The following ASXL1 variants were observed in gnomAD, a reference collection of about 807,000 sequenced individuals.
ASXL1 encodes the protein polycomb group protein ASXL1.
ASXL1 carries 65 observed loss-of-function variants against 89.1 expected under a neutral mutation model. That is an observed-to-expected ratio of 0.73 (90% confidence interval 0.60 to 0.90). The LOEUF (loss-of-function observed/expected upper bound fraction) is 0.90. ASXL1 is among the 40% of genes least tolerant of loss of function. The pLI is 0.00. For missense variants in ASXL1, 1,786 were observed against 1,942.9 expected (o/e 0.92, Z 1.52); for synonymous variants, 739 against 746.9 (o/e 0.99, Z 0.17).
rs1569341566 is a variant in ASXL1 at position 32,437,374 on chromosome 20, G to C, written c.*36G>C. ...CCATGGGAAACATTGTATATTTAGTGTGTGTATTTTGATAATGATTGATCT... is the reference window on the plus strand; with the variant it reads ...CCATGGGAAACATTGTATATTTAGTCTGTGTATTTTGATAATGATTGATCT... On this transcript the variant is annotated 3_prime_UTR_variant, in exon 13 of 13. Transcript: ENST00000375687. 1.2e-6 allele frequency: 2 copies of C among 1,600,928 alleles called. No homozygotes were observed. The highest frequency in any genetic ancestry group is 2.2e-5 in the South Asian group (2 of 90,612).
In ASXL1 at chr20:32,436,369, C is replaced by T. The variant is rs1260525305; in HGVS notation, c.3657C>T (p.Pro1219=). ...SFDSLHPVTN[P]ITSSRKLEEM... ...ACTCCCTCCATCCAGTGACAAATCC[C>T]ATTACATCCTCTAGGAAACTGGAAG... The change falls in exon 13 of 13, where the codon CCC becomes CCT. Residue 1219 remains proline (P), a synonymous_variant. Transcript: ENST00000375687. 12 of 1,613,628 alleles carry T rather than the reference C, an allele frequency of 7.4e-6. No individual in the cohort carries two copies. The highest frequency in any genetic ancestry group is 1.3e-5 in the African/African-American group (1 of 74,936).
chr20:32,411,297 G>T (rs1258152386), intron 4 of ASXL1, among the ~76,000 whole-genome samples: 1 of 126,908 alleles, frequency 7.9e-6, no homozygotes, highest in Non-Finnish European at 1.6e-5. Flanking sequence ...GCACAATCTC[G>T]GCTCACTGCA....
At chr20:32,425,212 T>C (rs2011240823) in intron 4 of ASXL1, among the ~76,000 whole-genome samples, 1 of 152,268 alleles carries the variant, frequency 6.6e-6, no homozygotes, top group Non-Finnish European at 1.5e-5. Flanking sequence ...TTTTTGTTGC[T>C]GTATAATCAT....
chr20:32,407,529 C>T (rs1030777721), intron 4 of ASXL1, among the ~76,000 whole-genome samples: 6 of 152,128 alleles, frequency 3.9e-5, no homozygotes, highest in Admixed American at 2.0e-4. Context: ...GTAGCACAGT[C>T]ACAACTCACC....
chr20:32,373,643 G>C (rs539708964), intron 4 of ASXL1, among the ~76,000 whole-genome samples: 1 of 151,398 alleles, frequency 6.6e-6, no homozygotes, highest in South Asian at 2.1e-4. Context: ...GCGGTGGGTG[G>C]ATCACTTGAG....
rs2011609101 is a variant in ASXL1, at chr20:32,433,632, TCC to T, written c.1436_1437del (p.Pro479ArgfsTer5). ...CCTCTGCAGCACCCGACCTGGAGGG[TCC>T]CGAATTCCCAGTTGAGTCTGTGGCT... ...TSSAAPDLEG[P>X]EFPVESVASR... is the part of the protein sequence containing the mutation. On this transcript the variant is annotated frameshift_variant, in exon 12 of 13. Coordinates refer to ENST00000375687, the MANE Select transcript of ASXL1 (RefSeq NM_015338.6). LOFTEE classifies it high-confidence loss of function. 1 of 1,612,570 alleles carries T rather than the reference TCC, an allele frequency of 6.2e-7. No individual in the cohort carries two copies. The highest frequency in any genetic ancestry group is 8.5e-7 in the Non-Finnish European group (1 of 1,178,862).
At chr20:32,367,321 A>T (rs1414904170) in intron 2 of ASXL1, among the ~76,000 whole-genome samples, 1 of 152,198 alleles carries the variant, frequency 6.6e-6, no homozygotes, top group Non-Finnish European at 1.5e-5. Context: ...CGGAGGTTGC[A>T]GTGAGCCGAG....
At chr20:32,415,349 G>T (rs547021657) in intron 4 of ASXL1, among the ~76,000 whole-genome samples, 1 of 152,216 alleles carries the variant, frequency 6.6e-6, no homozygotes, top group South Asian at 2.1e-4. Context: ...TTAGAGTGTG[G>T]CATCTCACTC....
At chr20:32,373,938 T>C (rs1031786969) in intron 4 of ASXL1, among the ~76,000 whole-genome samples, 2 of 152,196 alleles carry the variant, frequency 1.3e-5, no homozygotes, top group African/African-American at 4.8e-5. Flanking sequence ...GCTTCTTTCA[T>C]TCAGTTAATA....
intron 4 of ASXL1, among the ~76,000 whole-genome samples, chr20:32,384,448 G>A (rs550297007): frequency 1.3e-5 from 2 of 152,052 alleles, no homozygotes; most frequent in South Asian, 2.1e-4. Flanking sequence ...CACTTGCTTC[G>A]GCCTCCCAAA....
chr20:32,368,394 A>G (rs2048240578), intron 3 of ASXL1, among the ~76,000 whole-genome samples: 1 of 152,200 alleles, frequency 6.6e-6, no homozygotes, highest in Non-Finnish European at 1.5e-5. Flanking sequence ...TGGGAACTAA[A>G]TCCACTTGAC....
intron 4 of ASXL1, among the ~76,000 whole-genome samples, chr20:32,390,302 C>A (rs758205392): frequency 4.6e-5 from 7 of 152,142 alleles, no homozygotes; most frequent in Non-Finnish European, 8.8e-5. Context: ...ATATCACTTT[C>A]ATATACCATC....
chr20:32,363,687 G>A (rs2122789673), intron 1 of ASXL1, among the ~76,000 whole-genome samples: 1 of 152,340 alleles, frequency 6.6e-6, no homozygotes, highest in South Asian at 2.1e-4. Context: ...AGAGATCAGG[G>A]AAGGCTTCCT....
chr20:32,419,107 A>G (rs919401477), intron 4 of ASXL1, among the ~76,000 whole-genome samples: 1 of 152,058 alleles, frequency 6.6e-6, no homozygotes, highest in Non-Finnish European at 1.5e-5. Context: ...CTGGGATTAC[A>G]GGCTTGAGCC....
intron 4 of ASXL1, among the ~76,000 whole-genome samples, chr20:32,424,157 G>A (rs1455628944): frequency 1.3e-5 from 2 of 152,078 alleles, no homozygotes; most frequent in East Asian, 1.9e-4. Flanking sequence ...CTTTTTCATT[G>A]TTATTTTCTT....
At chr20:32,417,524 G>A (rs976178059) in intron 4 of ASXL1, among the ~76,000 whole-genome samples, 62 of 152,096 alleles carry the variant, frequency 4.1e-4, no homozygotes, top group African/African-American at 1.4e-3. Context: ...ACCTTTTTAT[G>A]TTAAGTATTT....
At chr20:32,380,906 T>C (rs1008531302) in intron 4 of ASXL1, among the ~76,000 whole-genome samples, 1 of 152,216 alleles carries the variant, frequency 6.6e-6, no homozygotes, top group Non-Finnish European at 1.5e-5. Flanking sequence ...AGCAAAGTGG[T>C]CCTTTTGAAA....
rs953854769 is a variant in ASXL1 at position 32,412,314 on chromosome 20, A to C, written c.253-15814A>C. 2.6e-5 allele frequency among the ~76,000 whole-genome samples: 4 copies of C among 152,340 alleles called. No individual in the cohort carries two copies. The East Asian group carries it at 7.7e-4, about 29-fold the overall frequency. ...TTGCTCAGTTTTAGTATAAACACTTAGTAGTTTTATAATTGTTAACCCATT... is the reference window on the plus strand; with the variant it reads ...TTGCTCAGTTTTAGTATAAACACTTCGTAGTTTTATAATTGTTAACCCATT... On this transcript the variant is annotated intron_variant, in intron 4 of 12. Coordinates refer to ENST00000375687, the MANE Select transcript of ASXL1 (RefSeq NM_015338.6).
rs140896591 is a variant in ASXL1 at position 32,379,906 on chromosome 20, C to A, written c.252+10783C>A. ...CTTCATGTGATGATATATGGTTCAG[C>A]ATCAGGGTCTTTTTTCAGTTAAGTT... On this transcript the variant is annotated intron_variant, in intron 4 of 12. Coordinates refer to ENST00000375687, the MANE Select transcript of ASXL1 (RefSeq NM_015338.6). Among the ~76,000 whole-genome samples, 383 of 150,500 alleles carry A rather than the reference C, an allele frequency of 2.5e-3. 1 individual carries two copies. The highest frequency in any genetic ancestry group is 9.0e-3 in the African/African-American group (366 of 40,874).
Sources: allele counts gnomAD v4.1 joint callset (sites outside exome capture counted in the v4.1 genomes callset), GRCh38; gene constraint gnomAD v4.1.1; transcripts MANE v1.5; gene names NCBI Gene and HGNC (gene_info 2026-07-23, HGNC 2026-07-21).